The following MAB21L3 variants were observed in gnomAD, a reference collection of about 807,000 sequenced individuals.
The protein encoded by MAB21L3 is protein mab-21-like 3.
In MAB21L3, 36 loss-of-function variants were observed where a neutral mutation model predicts 37.7. That is an observed-to-expected ratio of 0.96 (90% CI 0.73 to 1.26). The LOEUF (loss-of-function observed/expected upper bound fraction) is 1.26, where lower values mean the gene tolerates loss of function less well. Ranked by LOEUF, MAB21L3 falls within the 50% of genes most tolerant of loss-of-function variation. The pLI is 0.00. For missense variants in MAB21L3, 430 were observed against 447.3 expected, an observed-to-expected ratio of 0.96 and a Z score of 0.35; for synonymous variants, 186 against 176.8, an observed-to-expected ratio of 1.05 and a Z score of -0.41.
rs1172173387 is a variant in MAB21L3, at chr1:116,134,989, G to C, written c.*1624G>C. 6.6e-6 allele frequency: 1 copy of C among 152,154 alleles called. No homozygotes were observed. Among genetic ancestry groups the C allele is most frequent in the Non-Finnish European group, 1.5e-5 (1 of 68,036 alleles). 9.4% of individuals were successfully genotyped at this position (152,154 alleles called of 1,614,324 possible). A position where few individuals can be genotyped will look rare whatever the true frequency, so the allele number is the denominator to read the frequency against. Reference sequence around the variant, plus strand: ...TTCATGAAAATTCACATTTGAAAATGAAAATGATTACTTTTCAAAAGTACT... The same window carrying C: ...TTCATGAAAATTCACATTTGAAAATCAAAATGATTACTTTTCAAAAGTACT... On this transcript the variant is annotated 3_prime_UTR_variant, in exon 8 of 8. Transcript: ENST00000369500.
At chr1:116,123,942 G>C (rs1659821594) in intron 4 of MAB21L3, 124 bp from the exon 5 acceptor site, 2 of 913,296 alleles carry the variant, frequency 2.2e-6, no homozygotes, top group Non-Finnish European at 1.7e-6. Flanking sequence ...CCGTGTATCT[G>C]GTCACTCTGC....
chr1:116,136,521 A>C lies in MAB21L3; in HGVS notation c.*3156A>C, dbSNP rs1035190621. Among the ~76,000 whole-genome samples, 1 of 152,196 alleles carries C rather than the reference A, an allele frequency of 6.6e-6. No homozygotes were observed. The highest frequency in any genetic ancestry group is 1.5e-5 in the Non-Finnish European group (1 of 68,028). ...CATTCCATGCTCATGGGTAGGAAGAATCAATATCGTCAAAATGGCCAGACT... is the reference window on the plus strand; with the variant it reads ...CATTCCATGCTCATGGGTAGGAAGACTCAATATCGTCAAAATGGCCAGACT... On this transcript the variant is annotated 3_prime_UTR_variant, in exon 8 of 8. Transcript: ENST00000369500.
At position 116,128,203 on chromosome 1, in the gene MAB21L3, G is replaced by A. The variant is rs200661285; in HGVS notation, c.719G>A (p.Arg240His). The change falls in exon 7 of 8, where the codon CGT becomes CAT. Residue 240 changes from arginine to histidine, a missense_variant. Arg to His is a conservative substitution (Grantham distance 29, BLOSUM62 0). Transcript: ENST00000369500. ...TATCACTGGCAGCTGAGCTTCCTCC[G>A]TGCTGAGCAGGTGTTACTGGAACAG... ...SNYHWQLSFL[R>H]AEQVLLEQLD... 2.1e-5 allele frequency: 33 copies of A among 1,607,398 alleles called. No individual in the cohort carries two copies. Among genetic ancestry groups the A allele is most frequent in the East Asian group, 1.8e-4 (8 of 44,212 alleles).
Position 116,133,421 on chromosome 1 carries a change from T to C in MAB21L3, c.*56T>C. 1 of 1,497,926 alleles carries C rather than the reference T, an allele frequency of 6.7e-7. No individual in the cohort carries two copies. The highest frequency in any genetic ancestry group is 9.3e-7 in the Non-Finnish European group (1 of 1,079,910). The allele number at this position is 1,497,926 out of a possible 1,614,324, so 92.8% of individuals were successfully genotyped here. A position where few individuals can be genotyped will look rare whatever the true frequency, so the allele number is the denominator to read the frequency against. ...ATTTTATTCTGGCTTAACATTGTTC[T>C]TTGGATGGTTCCTCAGTCAGGTGCC... On this transcript the variant is annotated 3_prime_UTR_variant, in exon 8 of 8. Transcript: ENST00000369500.
chr1:116,119,262 G>A (rs1264430737), intron 3 of MAB21L3, among the ~76,000 whole-genome samples: 1 of 152,160 alleles, frequency 6.6e-6, no homozygotes, highest in Non-Finnish European at 1.5e-5. Flanking sequence ...ATGTAACAGT[G>A]CCCACCACAG....
At chr1:116,129,624 A>G (rs1005618970) in intron 7 of MAB21L3, among the ~76,000 whole-genome samples, 4 of 152,296 alleles carry the variant, frequency 2.6e-5, no homozygotes, top group African/African-American at 9.6e-5. Context: ...TACCACATTG[A>G]TCTTGTCCAG....
At chr1:116,126,711 T>C (rs1315976667) in intron 5 of MAB21L3, among the ~76,000 whole-genome samples, 2 of 152,202 alleles carry the variant, frequency 1.3e-5, no homozygotes, top group Non-Finnish European at 2.9e-5. Flanking sequence ...CATTTAGATA[T>C]TTGGGTGGAA....
chr1:116,125,196 G>A (rs2479372), intron 5 of MAB21L3, among the ~76,000 whole-genome samples: 38,875 of 152,096 alleles, frequency 0.26, 7,675 homozygotes, highest in African/African-American at 0.56. Flanking sequence ...AGTGTCGAGT[G>A]GGCATGGTGA....
intron 3 of MAB21L3, among the ~76,000 whole-genome samples, chr1:116,113,471 G>A (rs756940486): frequency 2.9e-4 from 44 of 152,314 alleles, no homozygotes; most frequent in Middle Eastern, 3.4e-3. Flanking sequence ...CTAAGTGGAA[G>A]AGATATTGGC....
Position 116,124,176 on chromosome 1 carries a change from G to A in MAB21L3, c.300G>A (p.Leu100=), listed in dbSNP as rs1209727975. 1 of 1,614,258 alleles carries A rather than the reference G, an allele frequency of 6.2e-7. No homozygotes were observed. Among genetic ancestry groups the A allele is most frequent in the Non-Finnish European group, 8.5e-7 (1 of 1,180,048 alleles). ...WRYYTLQGTR[L]PCPLRDPEGL... ...ACTACACACTGCAGGGCACCAGGCT[G>A]CCCTGCCCGTTGCGGGACCCTGAGG... Residue 100 remains leucine (L), a synonymous_variant, in exon 5 of 8, where the codon CTG becomes CTA. Coordinates refer to ENST00000369500, the MANE Select transcript of MAB21L3 (RefSeq NM_152367.3).
intron 4 of MAB21L3, 26 bp downstream of exon 4, chr1:116,121,098 T>G (rs1659737234): frequency 1.2e-6 from 2 of 1,606,310 alleles, no homozygotes; most frequent in Non-Finnish European, 1.7e-6. Context: ...TGTCTCTAAG[T>G]GCCACCAACA....
intron 3 of MAB21L3, among the ~76,000 whole-genome samples, chr1:116,117,162 C>CACACACAT (rs1553230660): frequency 8.7e-6 from 1 of 114,570 alleles, no homozygotes; most frequent in African/African-American, 3.5e-5. Context: ...AATATACATA[C>CACACACAT]ATATATATAT....
chr1:116,132,162 G>T (rs76951245), intron 7 of MAB21L3, among the ~76,000 whole-genome samples: 1 of 152,118 alleles, frequency 6.6e-6, no homozygotes, highest in Non-Finnish European at 1.5e-5. Context: ...ACACAAATTT[G>T]CAAGTCATTC....
intron 7 of MAB21L3, among the ~76,000 whole-genome samples, chr1:116,129,145 T>C (rs951367516): frequency 6.6e-6 from 1 of 152,198 alleles, no homozygotes; most frequent in Non-Finnish European, 1.5e-5. Context: ...AGTGGGTGCG[T>C]GTACAATCAC....
intron 4 of MAB21L3, 95 bp from the exon 5 acceptor site, chr1:116,123,971 C>T: frequency 7.5e-7 from 1 of 1,334,692 alleles, no homozygotes; most frequent in Non-Finnish European, 1.0e-6. Flanking sequence ...GAGTGGTTAA[C>T]AGAGCTGCCT....
At chr1:116,130,974 A>G (rs1660052206) in intron 7 of MAB21L3, among the ~76,000 whole-genome samples, 1 of 152,246 alleles carries the variant, frequency 6.6e-6, no homozygotes, top group East Asian at 1.9e-4. Context: ...GCTCTAAAAA[A>G]TAAAGACTGT....
At position 116,133,747 on chromosome 1, in the gene MAB21L3, T is replaced by G; in HGVS notation, c.*382T>G. 1 of 284,508 alleles carries G rather than the reference T, an allele frequency of 3.5e-6. No homozygotes were observed. Among genetic ancestry groups the G allele is most frequent in the East Asian group, 8.6e-5 (1 of 11,564 alleles). 17.6% of individuals were successfully genotyped at this position (284,508 alleles called of 1,614,324 possible). A position where few individuals can be genotyped will look rare whatever the true frequency, so the allele number is the denominator to read the frequency against. On this transcript the variant is annotated 3_prime_UTR_variant, in exon 8 of 8. Coordinates refer to ENST00000369500, the MANE Select transcript of MAB21L3 (RefSeq NM_152367.3). ...GACATGAGCCTGCTGGCCAATACTG[T>G]GCCCAGCCCACTGATCATGGGCACA...
chr1:116,128,571 C>T (rs1159745769), intron 7 of MAB21L3, among the ~76,000 whole-genome samples: 1 of 151,944 alleles, frequency 6.6e-6, no homozygotes, highest in Non-Finnish European at 1.5e-5. Context: ...GGTAAAATTT[C>T]CTCCCTCCCT....
At chr1:116,120,084 A>G (rs889119417) in intron 3 of MAB21L3, among the ~76,000 whole-genome samples, 1 of 152,114 alleles carries the variant, frequency 6.6e-6, no homozygotes, top group Admixed American at 6.5e-5. Context: ...ACCATGGTAG[A>G]GTCTCACCAT....
Sources: gnomAD v4.1 joint callset for allele counts (sites outside exome capture counted in the v4.1 genomes callset) on GRCh38, gnomAD v4.1.1 for gene constraint, MANE v1.5 for transcripts, NCBI Gene and HGNC (gene_info 2026-07-23, HGNC 2026-07-21) for gene names.